The following ADGRB1 variants were observed in gnomAD, a reference collection of about 807,000 sequenced individuals.
The protein encoded by ADGRB1 is brain-specific angiogenesis inhibitor 1.
In ADGRB1, 36 loss-of-function variants were observed where a neutral mutation model predicts 175.7. The ratio of observed to expected loss-of-function variants is 0.20; its 90% CI spans 0.16 to 0.27. The LOEUF (loss-of-function observed/expected upper bound fraction) is 0.27, where lower values mean the gene tolerates loss of function less well. Among genes scored for constraint, ADGRB1 ranks in the 10% least tolerant of loss-of-function variants. ADGRB1 has a pLI of 1.00. For missense variants in ADGRB1, 1,731 were observed against 2,255.3 expected, an observed-to-expected ratio of 0.77 and a Z score of 4.71; for synonymous variants, 1,054 against 979.4, an observed-to-expected ratio of 1.08 and a Z score of -1.42.
intron 18 of ADGRB1, among the ~76,000 whole-genome samples, chr8:142,514,292 C>T (rs113378794): frequency 5.9e-5 from 9 of 151,774 alleles, no homozygotes; most frequent in Admixed American, 2.6e-4. Flanking sequence ...GGTGGTAGAG[C>T]GAGGGGAGGT....
chr8:142,497,346 G>A (rs911305855), intron 17 of ADGRB1, among the ~76,000 whole-genome samples: 2 of 152,124 alleles, frequency 1.3e-5, no homozygotes, highest in African/African-American at 4.8e-5. Context: ...CCCCTTTCCT[G>A]GTTTCCTTGG....
At chr8:142,486,100 C>G (rs989962069) in intron 13 of ADGRB1, among the ~76,000 whole-genome samples, 3 of 152,170 alleles carry the variant, frequency 2.0e-5, no homozygotes, top group African/African-American at 7.2e-5. Context: ...CACATTCAAG[C>G]TATAGCACAC....
chr8:142,475,443 C>T (rs1840907369), intron 2 of ADGRB1, 31 bp from the exon 3 acceptor site: 1 of 1,279,012 alleles, frequency 7.8e-7, no homozygotes. Flanking sequence ...CCCTGCCCTG[C>T]CCTGATCCCC....
chr8:142,459,946 C>T (rs1234868862), intron 1 of ADGRB1, among the ~76,000 whole-genome samples: 3 of 152,242 alleles, frequency 2.0e-5, no homozygotes, highest in Admixed American at 6.5e-5. Flanking sequence ...GCTGACGCCT[C>T]CTGGATGCCA....
chr8:142,473,421 A>T (rs1162147870), intron 2 of ADGRB1, among the ~76,000 whole-genome samples: 1 of 152,176 alleles, frequency 6.6e-6, no homozygotes, highest in Non-Finnish European at 1.5e-5. Context: ...AGGAGGCCTT[A>T]GTCTGGGGGA....
At position 142,542,273 on chromosome 8, in the gene ADGRB1, A is replaced by T; in HGVS notation, c.4039A>T (p.Ile1347Phe). The T allele has an allele frequency of 6.2e-7, 1 of 1,613,418 alleles. No homozygotes were observed. The highest frequency in any genetic ancestry group is 8.5e-7 in the Non-Finnish European group (1 of 1,179,814). ...QEKALDTSYV[I>F]LPTATATLRP... ...GAAGGCTCTGGACACGAGCTACGTG[A>T]TCCTGCCCACGGCCACGGCCACGCT... Residue 1347 changes from isoleucine to phenylalanine, a missense_variant, in exon 28 of 31, where the codon ATC (isoleucine) becomes TTC (phenylalanine). Coordinates refer to ENST00000517894, the MANE Select transcript of ADGRB1 (RefSeq NM_001702.3). The surrounding 1 kb of genome is among the most constrained non-coding windows in gnomAD (Gnocchi z 6.3).
Position 142,464,972 on chromosome 8 carries a change from C to T in ADGRB1, c.774C>T (p.His258=), listed in dbSNP as rs943167883. Residue 258 remains histidine, a synonymous_variant, in exon 2 of 31, where the codon CAC becomes CAT. Coordinates refer to ENST00000517894, the MANE Select transcript of ADGRB1 (RefSeq NM_001702.3). ...GCCTGACCCAGGACCGGGGCGGGCA[C>T]GGCGCCACAGGTGAGTGACTGGCGG... ...LTSLTQDRGG[H]GATGGWKLWS... is the part of the protein sequence containing the mutation. 7.7e-5 allele frequency: 116 copies of T among 1,500,352 alleles called. No individual in the cohort carries two copies. In the Admixed American group the frequency reaches 8.6e-4, roughly 11 times the overall value. 92.9% of individuals were successfully genotyped at this position (1,500,352 alleles called of 1,614,324 possible).
In ADGRB1 at chr8:142,492,410, C is replaced by G. The variant is rs528101596; in HGVS notation, c.2675+1595C>G. On this transcript the variant is annotated intron_variant, in intron 17 of 30. Transcript: ENST00000517894. The surrounding 1 kb of genome is among the most constrained non-coding windows in gnomAD (Gnocchi z 4.4). ...TGGTGATGCCCGGCCGTGCATGGGC[C>G]GGGAAGGGAAGCTAGCAGGGTCTGG... 7.2e-5 allele frequency among the ~76,000 whole-genome samples: 11 copies of G among 152,062 alleles called. No homozygotes were observed. Among genetic ancestry groups the G allele is most frequent in the Admixed American group, 6.6e-4 (10 of 15,262 alleles).
intron 1 of ADGRB1, among the ~76,000 whole-genome samples, chr8:142,459,270 A>C (rs1839844623): frequency 6.6e-6 from 1 of 152,342 alleles, no homozygotes; most frequent in Middle Eastern, 3.4e-3. Flanking sequence ...TTGAGGGACC[A>C]GGGCCAGGTC....
chr8:142,528,310 A>T (rs556295122), intron 24 of ADGRB1, among the ~76,000 whole-genome samples: 1 of 151,832 alleles, frequency 6.6e-6, no homozygotes, highest in Non-Finnish European at 1.5e-5. Context: ...GAGCGCAGGG[A>T]CCCCTCACTA....
chr8:142,536,902 C>A (rs1481810943), intron 25 of ADGRB1, 85 bp from the exon 26 acceptor site: 2 of 1,200,700 alleles, frequency 1.7e-6, no homozygotes, highest in Non-Finnish European at 2.3e-6. Context: ...ACGCCCGCCC[C>A]CCCACAGGTG....
intron 7 of ADGRB1, chr8:142,478,983 G>T: frequency 3.6e-6 from 1 of 274,688 alleles, no homozygotes; most frequent in Non-Finnish European, 6.8e-6. Flanking sequence ...AGTGTGGGGT[G>T]GCCGTGGAGT....
rs1211903725 is a variant in ADGRB1, at chr8:142,537,563, G to A, written c.3666+481G>A. Among the ~76,000 whole-genome samples, 1 of 151,902 alleles carries A rather than the reference G, an allele frequency of 6.6e-6. No individual in the cohort carries two copies. The highest frequency in any genetic ancestry group is 2.4e-5 in the African/African-American group (1 of 41,354). On this transcript the variant is annotated intron_variant, in intron 26 of 30. Transcript: ENST00000517894. This position sits in a 1 kb window ranked among gnomAD's most constrained non-coding sequence, Gnocchi z 4.6. ...GCCTCCCTGGCGCTCCCTGGGTGCT[G>A]CCCAGTCCTCAGCCCCTGCAGGGTG...
chr8:142,523,215 C>A (rs937951408), intron 22 of ADGRB1, among the ~76,000 whole-genome samples: 4 of 152,170 alleles, frequency 2.6e-5, no homozygotes, highest in African/African-American at 9.7e-5. Flanking sequence ...AATGGCAAGC[C>A]AGGAAGCTTG....
chr8:142,542,119 C>A lies in ADGRB1; in HGVS notation c.3885C>A (p.Pro1295=), dbSNP rs375360143. 1.2e-6 allele frequency: 2 copies of A among 1,613,516 alleles called. No individual in the cohort carries two copies. Among genetic ancestry groups the A allele is most frequent in the South Asian group, 1.1e-5 (1 of 91,080 alleles). Residue 1295 remains proline (P), a synonymous_variant, in exon 28 of 31, where the codon CCC becomes CCA. Transcript: ENST00000517894. The surrounding 1 kb of genome is among the most constrained non-coding windows in gnomAD (Gnocchi z 6.3). ...KLHLHGSPRY[P]GGPLPDFPNH... ...ACCTGCACGGCTCACCCCGCTATCCCGGCGGGCCCCTGCCCGACTTCCCCA... is the reference window on the plus strand; with the variant it reads ...ACCTGCACGGCTCACCCCGCTATCCAGGCGGGCCCCTGCCCGACTTCCCCA...
chr8:142,538,391 C>A (rs77931078), intron 26 of ADGRB1, among the ~76,000 whole-genome samples: 19,197 of 152,224 alleles, frequency 0.13, 1,370 homozygotes, highest in South Asian at 0.28. Context: ...TCCAGGCAGG[C>A]CCCTCATGGC....
At chr8:142,494,015 C>T (rs184433865) in intron 17 of ADGRB1, among the ~76,000 whole-genome samples, 14 of 152,274 alleles carry the variant, frequency 9.2e-5, no homozygotes, top group African/African-American at 2.2e-4. Flanking sequence ...GGGCCTGTGT[C>T]GGTGTGCACT....
chr8:142,461,002 G>A (rs2131655740), intron 1 of ADGRB1, among the ~76,000 whole-genome samples: 1 of 152,326 alleles, frequency 6.6e-6, no homozygotes, highest in East Asian at 1.9e-4. Flanking sequence ...GAGGGTTCAA[G>A]GCGTGGAGTC....
intron 13 of ADGRB1, among the ~76,000 whole-genome samples, chr8:142,486,193 G>A (rs184922258): frequency 3.9e-5 from 6 of 152,206 alleles, no homozygotes; most frequent in Admixed American, 3.9e-4. Flanking sequence ...CTCTGCCCAG[G>A]CCCCCACCCC....
Sources: allele counts gnomAD v4.1 joint callset (sites outside exome capture counted in the v4.1 genomes callset), GRCh38; gene constraint gnomAD v4.1.1; non-coding constraint Gnocchi (gnomAD v3.1); transcripts MANE v1.5; gene names NCBI Gene and HGNC (gene_info 2026-07-23, HGNC 2026-07-21).